The following JPH1 variants were observed in gnomAD, a reference collection of about 807,000 sequenced individuals.
JPH1 encodes junctophilin 1.
JPH1 carries 12 observed loss-of-function variants against 53.6 expected under a neutral mutation model. That is an observed-to-expected ratio of 0.22 (90% CI 0.14 to 0.36). JPH1 has a LOEUF of 0.36. Ranked by LOEUF, JPH1 falls within the 10% of genes least tolerant of loss-of-function variation. The pLI is 1.00. For synonymous variants in JPH1, 375 were observed against 363.8 expected (o/e 1.03, Z -0.35); for missense variants, 808 against 905.5 (o/e 0.89, Z 1.38).
At chr8:74,255,638 C>T (rs1265768486) in intron 3 of JPH1, among the ~76,000 whole-genome samples, 5 of 152,036 alleles carry the variant, frequency 3.3e-5, no homozygotes, top group African/African-American at 7.3e-5. Flanking sequence ...ATTTTTGCAA[C>T]CTACTCATCT....
rs551651226 is a variant in JPH1 at position 74,290,373 on chromosome 8, A to G, written c.1139+24488T>C. The stretch of plus-strand genomic sequence containing the variant: ...AGAGCCAAATCATGAGTGAACTCCC[A>G]TTCACAATTGCTACAAAGAGAATAA... On this transcript the variant is annotated intron_variant, in intron 2 of 5. Transcript: ENST00000342232. Among the ~76,000 whole-genome samples, 42 of 152,366 alleles carry G rather than the reference A, an allele frequency of 2.8e-4. 1 individual carries two copies. The South Asian group carries it at 4.1e-3, about 15-fold the overall frequency.
chr8:74,313,313 A>C (rs1182003293), intron 2 of JPH1, among the ~76,000 whole-genome samples: 1 of 152,248 alleles, frequency 6.6e-6, no homozygotes, highest in Non-Finnish European at 1.5e-5. Context: ...TGAAAAGCAA[A>C]GTAGATCCAA....
At position 74,235,173 on chromosome 8, in the gene JPH1, A is replaced by C. The variant is rs2131369170; in HGVS notation, c.*1878T>G. Reference sequence around the variant, plus strand: ...CAGCTTTCCCAGCGTAAGGAGCTATAGGGTTTGGGAGGGGCAGTGAGAGTA... The same window carrying C: ...CAGCTTTCCCAGCGTAAGGAGCTATCGGGTTTGGGAGGGGCAGTGAGAGTA... On this transcript the variant is annotated 3_prime_UTR_variant, in exon 6 of 6. Coordinates refer to ENST00000342232, the MANE Select transcript of JPH1 (RefSeq NM_020647.4). 6.6e-6 allele frequency: 1 copy of C among 152,640 alleles called. No individual in the cohort carries two copies. Among genetic ancestry groups the C allele is most frequent in the South Asian group, 2.1e-4 (1 of 4,828 alleles). The allele number at this position is 152,640 out of a possible 1,614,324, so 9.5% of individuals were successfully genotyped here. A position where few individuals can be genotyped will look rare whatever the true frequency, so the allele number is the denominator to read the frequency against.
At chr8:74,251,916 A>G (rs901048452) in intron 3 of JPH1, among the ~76,000 whole-genome samples, 8 of 152,204 alleles carry the variant, frequency 5.3e-5, no homozygotes, top group African/African-American at 1.9e-4. Context: ...ACCTGACTTC[A>G]AACTATACTA....
intron 2 of JPH1, among the ~76,000 whole-genome samples, chr8:74,287,498 G>A (rs1807201549): frequency 6.6e-6 from 1 of 151,904 alleles, no homozygotes; most frequent in Admixed American, 6.6e-5. Context: ...TCTACTGATT[G>A]TTATGAGCCC....
chr8:74,309,851 A>G (rs1335077941), intron 2 of JPH1, among the ~76,000 whole-genome samples: 1 of 152,196 alleles, frequency 6.6e-6, no homozygotes, highest in East Asian at 1.9e-4. Context: ...TGGACCAGAT[A>G]TTCTCTCTTG....
intron 3 of JPH1, among the ~76,000 whole-genome samples, chr8:74,253,682 T>C (rs532920914): frequency 1.3e-5 from 2 of 152,098 alleles, no homozygotes; most frequent in African/African-American, 4.8e-5. Flanking sequence ...AAGAATCAAA[T>C]AGACGCAATA....
chr8:74,254,278 A>G (rs994146408), intron 3 of JPH1, among the ~76,000 whole-genome samples: 8 of 152,236 alleles, frequency 5.3e-5, no homozygotes, highest in South Asian at 2.1e-4. Context: ...TATAAACAGA[A>G]CCAAAGACAA....
At position 74,259,682 on chromosome 8, in the gene JPH1, C is replaced by G. The variant is rs575568128; in HGVS notation, c.1140-179G>C. Among the ~76,000 whole-genome samples the G allele has an allele frequency of 9.2e-5, 14 of 152,316 alleles. No homozygotes were observed. The East Asian group carries it at 2.5e-3, about 27-fold the overall frequency. The stretch of plus-strand genomic sequence containing the variant: ...TTCAATGAAGATGACATAGATGAAA[C>G]TAAACTACCCATGAATTGCCTTAGC... On this transcript the variant is annotated intron_variant, in intron 2 of 5. Transcript: ENST00000342232.
At chr8:74,277,001 A>C (rs1441215071) in intron 2 of JPH1, among the ~76,000 whole-genome samples, 1 of 152,318 alleles carries the variant, frequency 6.6e-6, no homozygotes, top group South Asian at 2.1e-4. Context: ...CTAGTTTTTC[A>C]CATTATTTTA....
Position 74,254,601 on chromosome 8 carries a change from A to C in JPH1, c.1258+4784T>G, listed in dbSNP as rs1022466720. Among the ~76,000 whole-genome samples the C allele has an allele frequency of 1.1e-4, 17 of 152,232 alleles. 1 individual carries two copies. Among genetic ancestry groups the C allele is most frequent in the African/African-American group, 4.1e-4 (17 of 41,468 alleles). On this transcript the variant is annotated intron_variant, in intron 3 of 5. Transcript: ENST00000342232. ...TTCAATTAGGAAAAGAGGAAGTCAA[A>C]TTGTCCCTGTTTGCAGATGACATGA... is the stretch of plus-strand genomic sequence containing the variant.
chr8:74,291,823 A>G (rs543865901), intron 2 of JPH1, among the ~76,000 whole-genome samples: 11 of 152,330 alleles, frequency 7.2e-5, no homozygotes, highest in African/African-American at 2.4e-4. Context: ...TGGCACATAT[A>G]CACCATGGAA....
intron 3 of JPH1, among the ~76,000 whole-genome samples, chr8:74,253,329 G>A (rs1235208270): frequency 6.6e-6 from 1 of 150,608 alleles, no homozygotes; most frequent in Non-Finnish European, 1.5e-5. Flanking sequence ...AAATAAAGAT[G>A]TTCTTTGAAA....
intron 2 of JPH1, among the ~76,000 whole-genome samples, chr8:74,285,185 G>A (rs1807127369): frequency 6.6e-6 from 1 of 151,946 alleles, no homozygotes; most frequent in Non-Finnish European, 1.5e-5. Context: ...GTGTTGTAAA[G>A]AGCCTTACAC....
At chr8:74,310,817 G>A (rs998211468) in intron 2 of JPH1, among the ~76,000 whole-genome samples, 8 of 152,218 alleles carry the variant, frequency 5.3e-5, no homozygotes, top group Non-Finnish European at 2.9e-5. Context: ...GATGGTACAA[G>A]GGTGCGTCCA....
chr8:74,288,532 A>G (rs139093682), intron 2 of JPH1, among the ~76,000 whole-genome samples: 40 of 152,242 alleles, frequency 2.6e-4, no homozygotes, highest in Non-Finnish European at 4.7e-4. Context: ...TGGGAAGAGT[A>G]AGAAAATGGG....
intron 2 of JPH1, among the ~76,000 whole-genome samples, chr8:74,267,921 G>T (rs1806582092): frequency 6.6e-6 from 1 of 152,160 alleles, no homozygotes. Flanking sequence ...TAAGAACAGT[G>T]AAAGGGGTGA....
intron 2 of JPH1, among the ~76,000 whole-genome samples, chr8:74,281,516 A>G (rs979341529): frequency 6.6e-6 from 1 of 152,214 alleles, no homozygotes; most frequent in African/African-American, 2.4e-5. Context: ...ATAGCCTCGT[A>G]CTTTTTAAGA....
chr8:74,287,181 C>T (rs1426161515), intron 2 of JPH1, among the ~76,000 whole-genome samples: 1 of 152,136 alleles, frequency 6.6e-6, no homozygotes, highest in African/African-American at 2.4e-5. Flanking sequence ...CCTGTAATCC[C>T]AGCACTTTGG....
Sources: gnomAD v4.1 joint callset for allele counts (sites outside exome capture counted in the v4.1 genomes callset) on GRCh38, gnomAD v4.1.1 for gene constraint, MANE v1.5 for transcripts, NCBI Gene and HGNC (gene_info 2026-07-23, HGNC 2026-07-21) for gene names.